The following SHISA9 variants were observed in gnomAD, a reference collection of about 807,000 sequenced individuals.
SHISA9 encodes the protein protein shisa-9.
In SHISA9, 13 loss-of-function variants were observed where a neutral mutation model predicts 38.0. The observed-to-expected ratio is 0.34, with a 90% CI of 0.22 to 0.54. The LOEUF (loss-of-function observed/expected upper bound fraction) is 0.54, where lower values mean the gene tolerates loss of function less well. SHISA9 is among the 20% of genes least tolerant of loss of function. The pLI, the probability that SHISA9 is intolerant of heterozygous loss-of-function variation, is 0.91. For missense variants in SHISA9, 538 were observed against 575.8 expected, an observed-to-expected ratio of 0.93 and a Z score of 0.67; for synonymous variants, 275 against 242.0, an observed-to-expected ratio of 1.14 and a Z score of -1.27.
At chr16:13,487,679 C>G in the SHISA9 span, among the ~76,000 whole-genome samples, 7 of 152,212 alleles carry the variant, frequency 4.6e-5, no homozygotes, top group Admixed American at 1.3e-4. Flanking sequence ...TTTAAATCAT[C>G]TCTAGATTAC....
At chr16:12,936,995 C>G (rs955562472) in intron 2 of SHISA9, among the ~76,000 whole-genome samples, 5 of 152,140 alleles carry the variant, frequency 3.3e-5, no homozygotes, top group Non-Finnish European at 5.9e-5. Flanking sequence ...ACTATTGTAA[C>G]CTGGAACACA....
chr16:13,021,045 TG>T (rs2072846629), intron 2 of SHISA9, among the ~76,000 whole-genome samples: 1 of 152,180 alleles, frequency 6.6e-6, no homozygotes, highest in Admixed American at 6.5e-5. Flanking sequence ...CTAGAAGGGC[TG>T]GGTGAATTAA....
chr16:13,041,050 G>A (rs142099703), intron 2 of SHISA9, among the ~76,000 whole-genome samples: 35 of 152,244 alleles, frequency 2.3e-4, no homozygotes, highest in African/African-American at 5.8e-4. Flanking sequence ...GTACTGTGTC[G>A]TTGGGGGCTG....
chr16:13,231,824 C>T (rs888873056), intron 4 of SHISA9, among the ~76,000 whole-genome samples: 6 of 152,136 alleles, frequency 3.9e-5, no homozygotes, highest in African/African-American at 1.4e-4. Flanking sequence ...GTCCTGAAAC[C>T]AAGGGTTTCC....
the SHISA9 span, among the ~76,000 whole-genome samples, chr16:13,542,473 A>AGT: frequency 6.6e-6 from 1 of 152,190 alleles, no homozygotes; most frequent in Non-Finnish European, 1.5e-5. Context: ...AGGGTAAGTG[A>AGT]GTCACTCAAT....
chr16:13,058,102 G>T (rs2073331214), intron 2 of SHISA9, among the ~76,000 whole-genome samples: 1 of 152,174 alleles, frequency 6.6e-6, no homozygotes, highest in African/African-American at 2.4e-5. Flanking sequence ...TGCCAATCTT[G>T]CTCCCTAGAG....
At chr16:13,066,415 A>T (rs1471218401) in intron 2 of SHISA9, among the ~76,000 whole-genome samples, 2 of 152,032 alleles carry the variant, frequency 1.3e-5, no homozygotes, top group Admixed American at 1.3e-4. Context: ...ATGTTTATTC[A>T]TTTTCTGTCT....
At chr16:13,556,902 A>G in the SHISA9 span, among the ~76,000 whole-genome samples, 1 of 152,228 alleles carries the variant, frequency 6.6e-6, no homozygotes. Context: ...AGTATATGGA[A>G]TATACATAGT....
chr16:13,063,610 C>T (rs2073401193), intron 2 of SHISA9, among the ~76,000 whole-genome samples: 1 of 152,142 alleles, frequency 6.6e-6, no homozygotes, highest in African/African-American at 2.4e-5. Context: ...TTCTTTACAT[C>T]AGGAAAGCGA....
At chr16:13,446,000 T>C in the SHISA9 span, among the ~76,000 whole-genome samples, 2 of 152,160 alleles carry the variant, frequency 1.3e-5, no homozygotes, top group African/African-American at 4.8e-5. Context: ...CTGAGTACAG[T>C]GCTGCGATCT....
At chr16:13,137,546 C>A (rs12918293) in intron 2 of SHISA9, among the ~76,000 whole-genome samples, 2 of 147,416 alleles carry the variant, frequency 1.4e-5, no homozygotes, top group African/African-American at 5.0e-5. Context: ...ACGTCCGCCT[C>A]CCGGGTTCAA....
chr16:13,412,445 C>T, the SHISA9 span, among the ~76,000 whole-genome samples: 3 of 152,114 alleles, frequency 2.0e-5, no homozygotes, highest in African/African-American at 7.2e-5. Flanking sequence ...CTTCCCCTTT[C>T]CTACGTTCTT....
chr16:13,147,497 T>C (rs1471018861), intron 2 of SHISA9, among the ~76,000 whole-genome samples: 2 of 131,858 alleles, frequency 1.5e-5, no homozygotes, highest in Non-Finnish European at 3.1e-5. Flanking sequence ...CCAGTCTCGC[T>C]CTGTCACCCA....
At chr16:13,343,066 A>G in the SHISA9 span, among the ~76,000 whole-genome samples, 3 of 152,258 alleles carry the variant, frequency 2.0e-5, no homozygotes, top group Non-Finnish European at 4.4e-5. Context: ...GAAGCACTCA[A>G]TGCATATTAA....
intron 2 of SHISA9, among the ~76,000 whole-genome samples, chr16:13,186,044 G>T (rs1349210050): frequency 1.3e-5 from 2 of 152,100 alleles, no homozygotes; most frequent in Non-Finnish European, 2.9e-5. Flanking sequence ...AATTGGCTGG[G>T]ACAGAGAGAA....
the SHISA9 span, among the ~76,000 whole-genome samples, chr16:13,525,269 A>G: frequency 6.6e-6 from 1 of 152,158 alleles, no homozygotes; most frequent in African/African-American, 2.4e-5. Context: ...TTAATCCTGG[A>G]AAGGGACAGT....
the SHISA9 span, among the ~76,000 whole-genome samples, chr16:13,387,530 A>T: frequency 6.7e-6 from 1 of 149,748 alleles, no homozygotes; most frequent in African/African-American, 2.5e-5. Flanking sequence ...TCACTCTGCC[A>T]CCAGGCTGGA....
At chr16:13,453,070 G>T in the SHISA9 span, among the ~76,000 whole-genome samples, 3 of 151,682 alleles carry the variant, frequency 2.0e-5, no homozygotes, top group Non-Finnish European at 4.4e-5. Flanking sequence ...CACCATACCT[G>T]GCTAATTTTT....
chr16:13,511,795 C>A, the SHISA9 span, among the ~76,000 whole-genome samples: 3 of 149,898 alleles, frequency 2.0e-5, no homozygotes, highest in Non-Finnish European at 4.5e-5. Flanking sequence ...AGGGTGGGGG[C>A]AGAGAGAGAG....
Sources: allele counts gnomAD v4.1 joint callset (sites outside exome capture counted in the v4.1 genomes callset), GRCh38; gene constraint gnomAD v4.1.1; transcripts MANE v1.5; gene names NCBI Gene and HGNC (gene_info 2026-07-23, HGNC 2026-07-21).